KAZN: variants seen among roughly 807,000 people sequenced by gnomAD.
The protein encoded by KAZN is kazrin.
In KAZN, 40 loss-of-function variants were observed where a neutral mutation model predicts 87.4. That is an observed-to-expected ratio of 0.46 (90% CI 0.36 to 0.60). KAZN has a LOEUF of 0.60. KAZN is among the 20% of genes least tolerant of loss of function. The pLI is 0.00. For missense variants in KAZN, 898 were observed against 1,073.9 expected, an observed-to-expected ratio of 0.84 and a Z score of 2.29; for synonymous variants, 466 against 458.3, an observed-to-expected ratio of 1.02 and a Z score of -0.22.
intron 1 of KAZN, among the ~76,000 whole-genome samples, chr1:14,120,953 C>A (rs940605974): frequency 6.6e-6 from 1 of 152,184 alleles, no homozygotes; most frequent in Admixed American, 6.5e-5. Flanking sequence ...GGCAGTCTGG[C>A]AAAGGAGCTC....
chr1:14,550,099 G>A (rs4074527), intron 2 of KAZN, among the ~76,000 whole-genome samples: 77,506 of 152,114 alleles, frequency 0.51, 20,066 homozygotes, highest in South Asian at 0.66. Flanking sequence ...GAGCACATCT[G>A]TTGGCTAGAG....
chr1:14,008,305 A>G (rs867058591), intron 1 of KAZN, among the ~76,000 whole-genome samples: 4 of 152,114 alleles, frequency 2.6e-5, no homozygotes, highest in Non-Finnish European at 5.9e-5. Context: ...CACCGTCCCT[A>G]TTGTTCTAGT....
chr1:14,581,218 C>CT (rs1422721655), intron 2 of KAZN, among the ~76,000 whole-genome samples: 1 of 152,186 alleles, frequency 6.6e-6, no homozygotes, highest in African/African-American at 2.4e-5. Context: ...AGCATACACT[C>CT]TATCCCCAAA....
chr1:14,121,795 C>A (rs1217876143), intron 1 of KAZN, among the ~76,000 whole-genome samples: 2 of 152,124 alleles, frequency 1.3e-5, no homozygotes, highest in African/African-American at 4.8e-5. Flanking sequence ...TTCCAGTTTT[C>A]AATAGGGAGG....
intron 1 of KAZN, among the ~76,000 whole-genome samples, chr1:14,876,162 G>T (rs1652746877): frequency 6.6e-6 from 1 of 152,232 alleles, no homozygotes; most frequent in African/African-American, 2.4e-5. Flanking sequence ...CCGCGGAGGT[G>T]AGAAACAATA....
intron 1 of KAZN, among the ~76,000 whole-genome samples, chr1:14,798,318 C>T (rs1036354612): frequency 2.6e-5 from 4 of 151,748 alleles, no homozygotes; most frequent in Admixed American, 1.3e-4. Flanking sequence ...GGGCAGCATC[C>T]AAGCAACTTG....
chr1:14,669,010 G>A (rs1218111329), intron 1 of KAZN, among the ~76,000 whole-genome samples: 1 of 152,182 alleles, frequency 6.6e-6, no homozygotes, highest in East Asian at 1.9e-4. Context: ...GACAAAGGGG[G>A]ATTTTCAAAG....
chr1:14,807,539 C>T (rs563803224), intron 1 of KAZN, among the ~76,000 whole-genome samples: 2 of 152,042 alleles, frequency 1.3e-5, no homozygotes, highest in African/African-American at 4.8e-5. Context: ...GAGGCCAAAG[C>T]GGGAGGATCA....
At chr1:14,497,306 C>A (rs1210762607) in intron 2 of KAZN, among the ~76,000 whole-genome samples, 1 of 90,654 alleles carries the variant, frequency 1.1e-5, no homozygotes, top group East Asian at 3.7e-4. Flanking sequence ...AGAGTTTGGT[C>A]TTTTCTATGC....
intron 1 of KAZN, among the ~76,000 whole-genome samples, chr1:14,654,625 C>T (rs1261356595): frequency 6.6e-6 from 1 of 152,210 alleles, no homozygotes; most frequent in Non-Finnish European, 1.5e-5. Context: ...CAGGTATGTT[C>T]ACCCCAGGAT....
At position 14,205,884 on chromosome 1, in the gene KAZN, C is replaced by CAAAA. The variant is rs70997121; in HGVS notation, c.249+25311_249+25314dup. Reference sequence around the variant, plus strand: ...CAGGCGACAGAGCAAGACACTGTCTCAAAAAAAAAAAAAAAAAAAAAAGCT... The same window carrying CAAAA: ...CAGGCGACAGAGCAAGACACTGTCTCAAAAAAAAAAAAAAAAAAAAAAAAAAGCT... On this transcript the variant is annotated intron_variant, in intron 2 of 16. Coordinates refer to the KAZN transcript ENST00000636203. Among the ~76,000 whole-genome samples, 18 of 35,220 alleles carry CAAAA rather than the reference C, an allele frequency of 5.1e-4. 7 individuals carry two copies. The highest frequency in any genetic ancestry group is 1.8e-3 in the African/African-American group (13 of 7,222). The allele number at this position is 35,220 out of a possible 152,430, so 23.1% of individuals were successfully genotyped here.
At chr1:14,027,863 G>T (rs1038617126) in intron 1 of KAZN, among the ~76,000 whole-genome samples, 1 of 152,110 alleles carries the variant, frequency 6.6e-6, no homozygotes, top group African/African-American at 2.4e-5. Context: ...ACTTTGCCAG[G>T]CTGGTTTCAG....
chr1:15,010,826 C>A (rs1388861661), intron 2 of KAZN, among the ~76,000 whole-genome samples: 1 of 152,154 alleles, frequency 6.6e-6, no homozygotes, highest in African/African-American at 2.4e-5. Flanking sequence ...CATAAACAGA[C>A]CCCTCCATCA....
chr1:14,282,637 A>G (rs1424228615), intron 2 of KAZN, among the ~76,000 whole-genome samples: 3 of 152,258 alleles, frequency 2.0e-5, no homozygotes, highest in Admixed American at 6.5e-5. Flanking sequence ...CCCTCTTACC[A>G]AGGAAACAGG....
intron 1 of KAZN, among the ~76,000 whole-genome samples, chr1:14,777,239 GC>G (rs1478810047): frequency 3.3e-5 from 5 of 151,764 alleles, no homozygotes; most frequent in Non-Finnish European, 1.5e-5. Flanking sequence ...CTCGTGATCT[GC>G]CTGCCTCAGC....
chr1:14,924,155 C>G (rs1434006649), intron 1 of KAZN: 1 of 982,148 alleles, frequency 1.0e-6, no homozygotes, highest in Non-Finnish European at 1.2e-6. Context: ...AGAGGCTCCG[C>G]GGCCGAATTC....
At chr1:14,405,648 T>TGTGTGTGTGTGTGTGTGTG (rs1173038790) in intron 2 of KAZN, among the ~76,000 whole-genome samples, 1 of 80,888 alleles carries the variant, frequency 1.2e-5, no homozygotes, top group Non-Finnish European at 2.8e-5. Context: ...GTGTGTGTGT[T>TGTGTGTGTGTGTGTGTGTG]TATACAGAGA....
At chr1:15,037,906 C>A (rs1011085981) in intron 3 of KAZN, among the ~76,000 whole-genome samples, 7 of 152,068 alleles carry the variant, frequency 4.6e-5, no homozygotes, top group African/African-American at 1.7e-4. Flanking sequence ...GAATCAGGAG[C>A]TAGAAGAAAG....
chr1:14,891,037 A>G (rs1042690737), intron 1 of KAZN, among the ~76,000 whole-genome samples: 5 of 147,170 alleles, frequency 3.4e-5, no homozygotes, highest in East Asian at 4.1e-4. Context: ...GTAGAGATGG[A>G]GTTTCACCGT....
Sources: allele counts gnomAD v4.1 joint callset (sites outside exome capture counted in the v4.1 genomes callset), GRCh38; gene constraint gnomAD v4.1.1; transcripts MANE v1.5; gene names NCBI Gene and HGNC (gene_info 2026-07-23, HGNC 2026-07-21).